Variants in TMEM132C observed in about 807,000 individuals in gnomAD.
The protein encoded by TMEM132C is protein phosphatase 1, regulatory subunit 152.
A neutral mutation model predicts 61.4 loss-of-function variants in TMEM132C; 29 were observed. That is an observed-to-expected ratio of 0.47 (90% CI 0.35 to 0.64). The LOEUF is 0.64. TMEM132C is among the 30% of genes least tolerant of loss of function. The pLI is 0.00. For synonymous variants in TMEM132C, 656 were observed against 633.1 expected, an observed-to-expected ratio of 1.04 and a Z score of -0.54; for missense variants, 1,408 against 1,476.9, an observed-to-expected ratio of 0.95 and a Z score of 0.76.
At chr12:128,696,473 C>T (rs567326506) in intron 7 of TMEM132C, among the ~76,000 whole-genome samples, 1 of 152,234 alleles carries the variant, frequency 6.6e-6, no homozygotes, top group South Asian at 2.1e-4. Flanking sequence ...TACCAGTGGC[C>T]CAGGGAAAAA....
chr12:128,330,509 C>A (rs1308221943), intron 1 of TMEM132C, among the ~76,000 whole-genome samples: 1 of 152,176 alleles, frequency 6.6e-6, no homozygotes. Context: ...GCTGTGAGTG[C>A]ACCGCTGCAC....
At chr12:128,640,769 T>A (rs1203688282) in intron 4 of TMEM132C, among the ~76,000 whole-genome samples, 1 of 152,016 alleles carries the variant, frequency 6.6e-6, no homozygotes, top group Non-Finnish European at 1.5e-5. Flanking sequence ...AACCTGTAGT[T>A]CCAGCTACTG....
intron 1 of TMEM132C, among the ~76,000 whole-genome samples, chr12:128,313,517 T>A (rs1293043446): frequency 6.7e-6 from 1 of 149,590 alleles, no homozygotes; most frequent in Non-Finnish European, 1.5e-5. Flanking sequence ...TTCTCCATCT[T>A]TATTAACAGT....
intron 2 of TMEM132C, among the ~76,000 whole-genome samples, chr12:128,473,272 A>G (rs1460519579): frequency 2.4e-3 from 129 of 54,248 alleles, no homozygotes; most frequent in African/African-American, 2.9e-3. Context: ...TCCAACCCCT[A>G]TCTTCATCTT....
At chr12:128,596,599 C>G (rs1201430484) in intron 3 of TMEM132C, among the ~76,000 whole-genome samples, 8 of 115,648 alleles carry the variant, frequency 6.9e-5, no homozygotes, top group South Asian at 3.0e-4. Context: ...TACAGAGGCA[C>G]CAGGGCTTCA....
Position 128,693,961 on chromosome 12 carries a change from C to T in TMEM132C, c.1582C>T (p.Leu528=), listed in dbSNP as rs1593151199. 6.4e-7 allele frequency: 1 copy of T among 1,551,792 alleles called. No homozygotes were observed. Among genetic ancestry groups the T allele is most frequent in the Non-Finnish European group, 8.7e-7 (1 of 1,147,022 alleles). Residue 528 remains leucine (L), a synonymous_variant, in exon 6 of 9, where the codon CTG becomes TTG. Transcript: ENST00000435159. Reference sequence around the variant, plus strand: ...CACCGTGTGGGTGCCCCGGCTGCCCCTGCAGATCGAGGTCTCTGACACGGA... The same window carrying T: ...CACCGTGTGGGTGCCCCGGCTGCCCTTGCAGATCGAGGTCTCTGACACGGA... ...CVTVWVPRLP[L]QIEVSDTELS...
intron 1 of TMEM132C, among the ~76,000 whole-genome samples, chr12:128,384,320 A>T (rs962864673): frequency 1.6e-4 from 24 of 152,182 alleles, no homozygotes; most frequent in African/African-American, 5.8e-4. Context: ...CGTGGGTTGT[A>T]GGAGCTCCCA....
chr12:128,652,306 G>A (rs1297111316), intron 4 of TMEM132C, among the ~76,000 whole-genome samples: 1 of 152,204 alleles, frequency 6.6e-6, no homozygotes, highest in African/African-American at 2.4e-5. Flanking sequence ...CAGAGCACCT[G>A]CAAGGAAGCT....
intron 1 of TMEM132C, among the ~76,000 whole-genome samples, chr12:128,384,908 C>T (rs1393108942): frequency 6.6e-6 from 1 of 152,214 alleles, no homozygotes; most frequent in Non-Finnish European, 1.5e-5. Flanking sequence ...CTCTGCCACG[C>T]AGGACGTGGT....
At chr12:128,616,092 A>T in intron 3 of TMEM132C, 60 bp from the exon 4 acceptor site, 1 of 1,515,186 alleles carries the variant, frequency 6.6e-7, no homozygotes, top group Admixed American at 2.1e-5. Context: ...TACTATTATG[A>T]GGAGAGAAGG....
At chr12:128,624,490 G>A (rs981927489) in intron 4 of TMEM132C, among the ~76,000 whole-genome samples, 7 of 146,488 alleles carry the variant, frequency 4.8e-5, no homozygotes, top group Admixed American at 2.8e-4. Flanking sequence ...GTTGCAGTGA[G>A]CCGAGATCGT....
chr12:128,490,994 A>G (rs1457728550), intron 2 of TMEM132C, among the ~76,000 whole-genome samples: 1 of 152,204 alleles, frequency 6.6e-6, no homozygotes, highest in Non-Finnish European at 1.5e-5. Flanking sequence ...TGAGGGAACC[A>G]AGGCTTACTT....
At chr12:128,495,793 C>T (rs1347778159) in intron 2 of TMEM132C, among the ~76,000 whole-genome samples, 2 of 151,990 alleles carry the variant, frequency 1.3e-5, no homozygotes, top group Admixed American at 6.5e-5. Context: ...TCCAATTTGC[C>T]AGTCTGTGTC....
At chr12:128,582,287 C>G (rs1265402356) in intron 3 of TMEM132C, among the ~76,000 whole-genome samples, 1 of 152,096 alleles carries the variant, frequency 6.6e-6, no homozygotes, top group Admixed American at 6.5e-5. Flanking sequence ...CACATGAAAA[C>G]AACAATAAGA....
chr12:128,599,863 C>T (rs950653458), intron 3 of TMEM132C, among the ~76,000 whole-genome samples: 23 of 152,290 alleles, frequency 1.5e-4, no homozygotes, highest in Admixed American at 5.2e-4. Flanking sequence ...ATAATACCCA[C>T]GTGTCATAGG....
intron 2 of TMEM132C, among the ~76,000 whole-genome samples, chr12:128,459,404 G>C (rs1446102209): frequency 6.6e-6 from 1 of 152,320 alleles, no homozygotes; most frequent in South Asian, 2.1e-4. Context: ...AAGAGGACCT[G>C]GGTTTGAGAG....
At chr12:128,615,089 C>T (rs149213648) in intron 3 of TMEM132C, among the ~76,000 whole-genome samples, 85 of 152,266 alleles carry the variant, frequency 5.6e-4, no homozygotes, top group African/African-American at 1.9e-3. Context: ...TGAGTGGGTC[C>T]GACTGGAGCA....
intron 1 of TMEM132C, among the ~76,000 whole-genome samples, chr12:128,410,594 CG>C (rs1207458939): frequency 6.6e-6 from 1 of 151,960 alleles, no homozygotes; most frequent in Non-Finnish European, 1.5e-5. Flanking sequence ...TTAGTAGAGA[CG>C]GGGTTTCACC....
At chr12:128,346,599 C>T (rs1873166385) in intron 1 of TMEM132C, among the ~76,000 whole-genome samples, 1 of 152,070 alleles carries the variant, frequency 6.6e-6, no homozygotes, top group Admixed American at 6.6e-5. Context: ...TGTAGTTCTT[C>T]TTATAGAGAT....
Sources: allele counts gnomAD v4.1 joint callset (sites outside exome capture counted in the v4.1 genomes callset), GRCh38; gene constraint gnomAD v4.1.1; transcripts MANE v1.5; gene names NCBI Gene and HGNC (gene_info 2026-07-23, HGNC 2026-07-21).